Variants in IGF1R observed in about 807,000 individuals in gnomAD.
IGF1R encodes the protein insulin like growth factor 1 receptor.
IGF1R carries 44 observed loss-of-function variants against 144.6 expected under a neutral mutation model. The observed-to-expected ratio is 0.30, with a 90% CI of 0.24 to 0.39. The LOEUF (loss-of-function observed/expected upper bound fraction) is 0.39, where lower values mean the gene tolerates loss of function less well. Among genes scored for constraint, IGF1R ranks in the 10% least tolerant of loss-of-function variants. IGF1R has a pLI of 1.00. For missense variants in IGF1R, 1,355 were observed against 1,833.7 expected (o/e 0.74, Z 4.77); for synonymous variants, 795 against 722.8 (o/e 1.10, Z -1.60).
intron 1 of IGF1R, among the ~76,000 whole-genome samples, chr15:98,650,610 G>C (rs370128540): frequency 6.6e-6 from 1 of 152,264 alleles, no homozygotes. Context: ...CTCGCAGCGC[G>C]GGGTGTAGTC....
chr15:98,823,913 A>G (rs952519378), intron 2 of IGF1R, among the ~76,000 whole-genome samples: 1 of 152,190 alleles, frequency 6.6e-6, no homozygotes, highest in African/African-American at 2.4e-5. Flanking sequence ...AGAGAGAAAG[A>G]GGGGGAAAAA....
intron 2 of IGF1R, among the ~76,000 whole-genome samples, chr15:98,727,554 G>T (rs1291965871): frequency 7.1e-6 from 1 of 140,816 alleles, no homozygotes; most frequent in Non-Finnish European, 1.6e-5. Context: ...CTGAGTATGG[G>T]GCTTGGGTGT....
At chr15:98,831,179 T>C (rs954602879) in intron 2 of IGF1R, among the ~76,000 whole-genome samples, 6 of 152,240 alleles carry the variant, frequency 3.9e-5, no homozygotes, top group Admixed American at 6.5e-5. Context: ...ATTCAAACTA[T>C]ATCTACGACC....
rs577508225 is a variant in IGF1R at position 98,891,454 on chromosome 15, C to G, written c.770C>G (p.Ala257Gly). 1 of 1,613,946 alleles carries G rather than the reference C, an allele frequency of 6.2e-7. No individual in the cohort carries two copies. Among genetic ancestry groups the G allele is most frequent in the Non-Finnish European group, 8.5e-7 (1 of 1,180,032 alleles). ...GTAGCTTGCCGCCACTACTACTATG[C>G]CGGTGTCTGTGTGCCTGCCTGCCCG... ...ACVACRHYYY[A>G]GVCVPACPPN... is the part of the protein sequence containing the mutation. The change falls in exon 3 of 21, where the codon GCC becomes GGC. Residue 257 changes from alanine (A) to glycine (G), a missense_variant. Transcript: ENST00000650285. The surrounding 1 kb of genome is among the most constrained non-coding windows in gnomAD (Gnocchi z 4.7).
chr15:98,875,109 C>T (rs2012988101), intron 2 of IGF1R, among the ~76,000 whole-genome samples: 1 of 152,114 alleles, frequency 6.6e-6, no homozygotes, highest in Admixed American at 6.5e-5. Flanking sequence ...CTCTGGCCTG[C>T]CCAGGTCCTC....
chr15:98,763,078 A>C (rs1247564033), intron 2 of IGF1R, among the ~76,000 whole-genome samples: 1 of 152,028 alleles, frequency 6.6e-6, no homozygotes, highest in Non-Finnish European at 1.5e-5. Context: ...TCCACAACAT[A>C]TATTCCAATG....
At chr15:98,719,229 A>G (rs2054190996) in intron 2 of IGF1R, among the ~76,000 whole-genome samples, 1 of 152,178 alleles carries the variant, frequency 6.6e-6, no homozygotes. Context: ...TCCACTCACA[A>G]GGAAAGACAG....
At chr15:98,761,712 G>T (rs767895250) in intron 2 of IGF1R, among the ~76,000 whole-genome samples, 1 of 152,232 alleles carries the variant, frequency 6.6e-6, no homozygotes, top group Non-Finnish European at 1.5e-5. Flanking sequence ...AGCTTGAACT[G>T]TTGTCCCTGC....
chr15:98,834,985 T>C (rs1368306284), intron 2 of IGF1R, among the ~76,000 whole-genome samples: 1 of 152,028 alleles, frequency 6.6e-6, no homozygotes. Flanking sequence ...AGTGTTGAGA[T>C]GTCTTATAGG....
intron 2 of IGF1R, among the ~76,000 whole-genome samples, chr15:98,815,786 T>C (rs115747572): frequency 1.1e-3 from 175 of 152,252 alleles, no homozygotes; most frequent in African/African-American, 3.9e-3. Flanking sequence ...GTGAGTCTTA[T>C]TCTACCTAAG....
chr15:98,815,057 C>T (rs1047726234), intron 2 of IGF1R, among the ~76,000 whole-genome samples: 1 of 151,984 alleles, frequency 6.6e-6, no homozygotes. Flanking sequence ...AAAATTTATG[C>T]GTTTGTTTTA....
chr15:98,852,150 C>T (rs1260566341), intron 2 of IGF1R, among the ~76,000 whole-genome samples: 1 of 152,244 alleles, frequency 6.6e-6, no homozygotes, highest in Non-Finnish European at 1.5e-5. Context: ...GAAACAAAAC[C>T]TTTGCGGTTT....
intron 2 of IGF1R, among the ~76,000 whole-genome samples, chr15:98,719,970 A>G (rs917634744): frequency 6.6e-6 from 1 of 152,240 alleles, no homozygotes; most frequent in African/African-American, 2.4e-5. Flanking sequence ...AATTGGGATG[A>G]TGCTCTGACC....
intron 2 of IGF1R, among the ~76,000 whole-genome samples, chr15:98,868,805 C>T (rs757012376): frequency 2.0e-5 from 3 of 152,130 alleles, no homozygotes; most frequent in South Asian, 2.1e-4. Context: ...GTGAGTGCCC[C>T]GTAAATGTTA....
chr15:98,720,222 C>G (rs2054215168), intron 2 of IGF1R, among the ~76,000 whole-genome samples: 2 of 152,132 alleles, frequency 1.3e-5, no homozygotes, highest in Admixed American at 1.3e-4. Context: ...CCTGGAGAAT[C>G]AAATGACAAG....
intron 2 of IGF1R, among the ~76,000 whole-genome samples, chr15:98,789,284 TG>T (rs1486748703): frequency 1.3e-5 from 2 of 152,238 alleles, no homozygotes; most frequent in African/African-American, 4.8e-5. Context: ...CTTCTACAAT[TG>T]TGCTGATGAC....
At chr15:98,677,783 G>A (rs2053085997) in intron 1 of IGF1R, among the ~76,000 whole-genome samples, 1 of 152,190 alleles carries the variant, frequency 6.6e-6, no homozygotes, top group South Asian at 2.1e-4. Flanking sequence ...CAGCCAGTAG[G>A]CCCTGCTTCT....
Position 98,850,215 on chromosome 15 carries a change from T to A in IGF1R, c.641-41110T>A, listed in dbSNP as rs190136698. On this transcript the variant is annotated intron_variant, in intron 2 of 20. Coordinates refer to ENST00000650285, the MANE Select transcript of IGF1R (RefSeq NM_000875.5). Reference sequence around the variant, plus strand: ...AATCACCTCATGAAGAAAATGAAGGTCTGTGTGATAGTAGCTGGCAGGTGG... The same window carrying A: ...AATCACCTCATGAAGAAAATGAAGGACTGTGTGATAGTAGCTGGCAGGTGG... Among the ~76,000 whole-genome samples the A allele has an allele frequency of 3.9e-5, 6 of 152,300 alleles. No individual in the cohort carries two copies. The East Asian group carries it at 1.2e-3, about 29-fold the overall frequency.
rs1345807800 is a variant in IGF1R at position 98,922,228 on chromosome 15, A to G, written c.2282A>G (p.Asp761Gly). 6.2e-7 allele frequency: 1 copy of G among 1,614,238 alleles called. No homozygotes were observed. The highest frequency in any genetic ancestry group is 8.5e-7 in the Non-Finnish European group (1 of 1,180,040). The change falls in exon 11 of 21, where the codon GAC becomes GGC. Residue 761 changes from aspartate to glycine, a missense_variant. Asp to Gly is a moderately conservative substitution (Grantham distance 94). Transcript: ENST00000650285. The part of the protein sequence containing the change: ...SSRSRNTTAA[D>G]TYNITDPEEL... Reference sequence around the variant, plus strand: ...CGAAGCAGGAACACCACGGCCGCAGACACCTACAACATCACCGACCCGGAA... The same window carrying G: ...CGAAGCAGGAACACCACGGCCGCAGGCACCTACAACATCACCGACCCGGAA...
Sources: allele counts gnomAD v4.1 joint callset (sites outside exome capture counted in the v4.1 genomes callset), GRCh38; gene constraint gnomAD v4.1.1; non-coding constraint Gnocchi (gnomAD v3.1); transcripts MANE v1.5; gene names NCBI Gene and HGNC (gene_info 2026-07-23, HGNC 2026-07-21).